The following DNAH7 variants were observed in gnomAD, a reference collection of about 807,000 sequenced individuals.
The protein encoded by DNAH7 is dynein axonemal heavy chain 7, also known as axonemal beta dynein heavy chain 7.
A neutral mutation model predicts 444.6 loss-of-function variants in DNAH7; 397 were observed. The observed-to-expected ratio is 0.89, with a 90% CI of 0.82 to 0.97. The LOEUF is 0.97. DNAH7 is among the 50% of genes least tolerant of loss of function. The pLI is 0.00. For synonymous variants in DNAH7, 1,636 were observed against 1,624.4 expected, an observed-to-expected ratio of 1.01 and a Z score of -0.17; for missense variants, 4,902 against 4,800.8, an observed-to-expected ratio of 1.02 and a Z score of -0.62.
intron 5 of DNAH7, among the ~76,000 whole-genome samples, chr2:196,030,816 G>T (rs758936638): frequency 8.5e-5 from 13 of 152,348 alleles, no homozygotes; most frequent in Non-Finnish European, 1.6e-4. Context: ...GGGCATCTCT[G>T]CCCTGTGGCT....
chr2:195,739,998 T>G (rs1460249078), intron 64 of DNAH7, among the ~76,000 whole-genome samples: 1 of 152,168 alleles, frequency 6.6e-6, no homozygotes, highest in African/African-American at 2.4e-5. Context: ...TTGTTTTGTT[T>G]TGGAGATGGA....
intron 63 of DNAH7, among the ~76,000 whole-genome samples, chr2:195,748,235 A>G (rs1693548380): frequency 6.6e-6 from 1 of 152,212 alleles, no homozygotes; most frequent in South Asian, 2.1e-4. Flanking sequence ...CCCATTCACA[A>G]CTTATTCAAA....
At chr2:195,807,788 A>G (rs1273252288) in intron 53 of DNAH7, among the ~76,000 whole-genome samples, 1 of 152,224 alleles carries the variant, frequency 6.6e-6, no homozygotes, top group Non-Finnish European at 1.5e-5. Flanking sequence ...CAGCATAGTA[A>G]TAAAATTTTA....
In DNAH7 at chr2:195,797,477, T is replaced by C. The variant is rs201050177; in HGVS notation, c.10354-740A>G. 2.6e-5 allele frequency among the ~76,000 whole-genome samples: 4 copies of C among 152,122 alleles called. No individual in the cohort carries two copies. The East Asian group carries it at 7.7e-4, about 29-fold the overall frequency. On this transcript the variant is annotated intron_variant, in intron 55 of 64. Transcript: ENST00000312428. ...AAGAGGAGACAGCAAGAGAAGAGAA[T>C]GCATGAGCAGGACCCACATAGGAGC...
chr2:195,936,120 T>G (rs1689033382), intron 20 of DNAH7, among the ~76,000 whole-genome samples: 1 of 152,158 alleles, frequency 6.6e-6, no homozygotes, highest in Admixed American at 6.6e-5. Context: ...ACGCCTGTAA[T>G]CCCAGCACTT....
At chr2:195,763,937 A>G (rs1314246916) in intron 61 of DNAH7, among the ~76,000 whole-genome samples, 1 of 151,914 alleles carries the variant, frequency 6.6e-6, no homozygotes, top group East Asian at 1.9e-4. Flanking sequence ...AGAAAACTAC[A>G]GAGAAAAAAA....
rs537772307 is a variant in DNAH7 at position 195,973,464 on chromosome 2, GTTTTGT to G, written c.1834-1004_1834-999del. 2.8e-3 allele frequency among the ~76,000 whole-genome samples: 420 copies of G among 151,852 alleles called. 1 individual carries two copies. The highest frequency in any genetic ancestry group is 8.8e-3 in the African/African-American group (363 of 41,408). ...ACCTATACAGTTTTTTTTGTTTGTT[GTTTTGT>G]TTTTGTTTTTGTTTTTTTTGAGATG... On this transcript the variant is annotated intron_variant, in intron 15 of 64. Coordinates refer to ENST00000312428, the MANE Select transcript of DNAH7 (RefSeq NM_018897.3).
chr2:196,060,672 G>A (rs562566335), intron 1 of DNAH7, among the ~76,000 whole-genome samples: 8 of 152,214 alleles, frequency 5.3e-5, no homozygotes, highest in South Asian at 4.2e-4. Flanking sequence ...GCAATTGCCC[G>A]ATTTTTCTGC....
At chr2:196,006,141 T>C (rs536374385) in intron 10 of DNAH7, among the ~76,000 whole-genome samples, 86 of 152,116 alleles carry the variant, frequency 5.7e-4, no homozygotes, top group African/African-American at 1.7e-3. Flanking sequence ...CAGTGAGACC[T>C]TGTCTCTACA....
intron 15 of DNAH7, among the ~76,000 whole-genome samples, chr2:195,981,410 C>T (rs1222290790): frequency 6.6e-6 from 1 of 151,782 alleles, no homozygotes; most frequent in African/African-American, 2.4e-5. Context: ...GTCCATACTA[C>T]CCCAAAAAGC....
chr2:195,825,484 G>C (rs1033612601), intron 48 of DNAH7, among the ~76,000 whole-genome samples: 1 of 151,980 alleles, frequency 6.6e-6, no homozygotes, highest in African/African-American at 2.4e-5. Context: ...CTGCATAATA[G>C]TGTATCATAT....
chr2:195,902,503 C>T (rs1238954190), intron 27 of DNAH7: 2 of 152,016 alleles, frequency 1.3e-5, no homozygotes, highest in African/African-American at 4.8e-5. Context: ...ATCAGTCAGC[C>T]AGTCAATGGG....
intron 19 of DNAH7, among the ~76,000 whole-genome samples, chr2:195,954,650 TA>T (rs1252967288): frequency 1.3e-5 from 2 of 151,628 alleles, no homozygotes; most frequent in Admixed American, 6.6e-5. Flanking sequence ...ACCAACAGTG[TA>T]AAAGTGTTCC....
At chr2:196,049,186 C>G (rs1440616742) in intron 3 of DNAH7, among the ~76,000 whole-genome samples, 1 of 152,166 alleles carries the variant, frequency 6.6e-6, no homozygotes, top group Non-Finnish European at 1.5e-5. Context: ...GTACTGGCTT[C>G]TCTTTCTGCC....
intron 40 of DNAH7, among the ~76,000 whole-genome samples, chr2:195,865,346 G>T (rs1405778139): frequency 6.6e-6 from 1 of 152,134 alleles, no homozygotes; most frequent in Non-Finnish European, 1.5e-5. Context: ...GCTCAGATGT[G>T]GATAGCAGAG....
intron 40 of DNAH7, among the ~76,000 whole-genome samples, chr2:195,867,538 G>C (rs1228011400): frequency 6.6e-6 from 1 of 152,064 alleles, no homozygotes; most frequent in Non-Finnish European, 1.5e-5. Context: ...TCTCCCTCCA[G>C]AACTTTATCA....
intron 61 of DNAH7, among the ~76,000 whole-genome samples, chr2:195,769,137 C>T (rs993515860): frequency 7.9e-5 from 12 of 152,096 alleles, no homozygotes; most frequent in Admixed American, 6.6e-4. Flanking sequence ...GAAAGAATGG[C>T]ATGAGAAAGG....
chr2:195,805,609 T>C (rs893961530), intron 54 of DNAH7, among the ~76,000 whole-genome samples: 5 of 152,162 alleles, frequency 3.3e-5, no homozygotes, highest in African/African-American at 9.6e-5. Context: ...AGGTACTTCA[T>C]AGGCCCCTTT....
chr2:195,956,893 G>A lies in DNAH7; in HGVS notation c.3078+368C>T, dbSNP rs189381901. On this transcript the variant is annotated intron_variant, in intron 19 of 64. Transcript: ENST00000312428. ...TGTTGAGAGGTTGGCATACTGACATGTGTGCACCACAGTGAGTTTCAGTGG... is the reference window on the plus strand; with the variant it reads ...TGTTGAGAGGTTGGCATACTGACATATGTGCACCACAGTGAGTTTCAGTGG... Among the ~76,000 whole-genome samples the A allele has an allele frequency of 2.0e-5, 3 of 151,774 alleles. No individual in the cohort carries two copies. The East Asian group carries it at 5.8e-4, about 29-fold the overall frequency.
Sources: gnomAD v4.1 joint callset for allele counts (sites outside exome capture counted in the v4.1 genomes callset) on GRCh38, gnomAD v4.1.1 for gene constraint, MANE v1.5 for transcripts, NCBI Gene and HGNC (gene_info 2026-07-23, HGNC 2026-07-21) for gene names.